AKAP6: variants seen among roughly 807,000 people sequenced by gnomAD.
AKAP6 encodes A-kinase anchor protein 6.
A neutral mutation model predicts 188.5 loss-of-function variants in AKAP6; 58 were observed. The ratio of observed to expected loss-of-function variants is 0.31; its 90% CI spans 0.25 to 0.38. The LOEUF is 0.38. Ranked by LOEUF, AKAP6 falls within the 10% of genes least tolerant of loss-of-function variation. AKAP6 has a pLI of 1.00. For missense variants in AKAP6, 2,710 were observed against 2,740.0 expected (o/e 0.99, Z 0.24); for synonymous variants, 989 against 998.6 (o/e 0.99, Z 0.18).
At chr14:32,712,259 T>G (rs2029916530) in intron 9 of AKAP6, among the ~76,000 whole-genome samples, 1 of 151,962 alleles carries the variant, frequency 6.6e-6, no homozygotes, top group Non-Finnish European at 1.5e-5. Context: ...TTAAAAAAAT[T>G]TTATTGCAAA....
At position 32,535,288 on chromosome 14, in the gene AKAP6, C is replaced by T. The variant is rs547299130; in HGVS notation, c.325-266C>T. Among the ~76,000 whole-genome samples, 11 of 152,272 alleles carry T rather than the reference C, an allele frequency of 7.2e-5. No individual in the cohort carries two copies. In the South Asian group the frequency reaches 2.1e-3, roughly 29 times the overall value. ...TGGAGAGATGCACCTCTCACCTTGG[C>T]TGACTTTCAATTTGGGCATCTGATG... On this transcript the variant is annotated intron_variant, in intron 2 of 13. Coordinates refer to ENST00000280979, the MANE Select transcript of AKAP6 (RefSeq NM_004274.5).
At chr14:32,437,267 G>C (rs1566501995) in intron 2 of AKAP6, among the ~76,000 whole-genome samples, 1 of 152,078 alleles carries the variant, frequency 6.6e-6, no homozygotes, top group Non-Finnish European at 1.5e-5. Flanking sequence ...GGTTGGGCAG[G>C]GATTGGCAGT....
At chr14:32,399,106 G>C (rs983724104) in intron 1 of AKAP6, among the ~76,000 whole-genome samples, 1 of 151,836 alleles carries the variant, frequency 6.6e-6, no homozygotes, top group Non-Finnish European at 1.5e-5. Context: ...CACCCGCCTT[G>C]GCCTCCCAAA....
intron 8 of AKAP6, among the ~76,000 whole-genome samples, chr14:32,688,257 C>T (rs773534034): frequency 5.9e-5 from 9 of 151,902 alleles, no homozygotes; most frequent in East Asian, 1.9e-4. Context: ...GTTGCCGACA[C>T]GGACAATGAG....
intron 9 of AKAP6, among the ~76,000 whole-genome samples, chr14:32,706,468 GC>G (rs1890816390): frequency 6.6e-6 from 1 of 152,018 alleles, no homozygotes; most frequent in Non-Finnish European, 1.5e-5. Context: ...TTTGGGAGAT[GC>G]ACTAAAGGCA....
chr14:32,819,634 A>G (rs17099584), intron 12 of AKAP6, among the ~76,000 whole-genome samples: 4,390 of 152,164 alleles, frequency 0.029, 205 homozygotes, highest in African/African-American at 0.1. Flanking sequence ...ACCACACTAG[A>G]GCGATTCTGC....
At position 32,546,650 on chromosome 14, in the gene AKAP6, T is replaced by C. The variant is rs1254554428; in HGVS notation, c.1997T>C (p.Ile666Thr). 2 of 1,614,010 alleles carry C rather than the reference T, an allele frequency of 1.2e-6. No individual in the cohort carries two copies. The highest frequency in any genetic ancestry group is 2.7e-5 in the African/African-American group (2 of 74,900). Residue 666 changes from isoleucine to threonine, a missense_variant, in exon 4 of 14, where the codon ATT becomes ACT. Transcript: ENST00000280979. ...QKPRGETIQN[I>T]DDWELSEMNS... ...CCCAGAGGAGAAACCATCCAGAATATTGATGACTGGGAACTGTCTGAAATG... is the reference window on the plus strand; with the variant it reads ...CCCAGAGGAGAAACCATCCAGAATACTGATGACTGGGAACTGTCTGAAATG...
intron 1 of AKAP6, among the ~76,000 whole-genome samples, chr14:32,367,976 G>A (rs554457050): frequency 5.9e-5 from 9 of 152,278 alleles, no homozygotes; most frequent in African/African-American, 1.7e-4. Context: ...AGTTTTGACT[G>A]CTAAAAAGCC....
At chr14:32,617,582 T>C (rs1886631853) in intron 7 of AKAP6, among the ~76,000 whole-genome samples, 1 of 152,174 alleles carries the variant, frequency 6.6e-6, no homozygotes, top group Non-Finnish European at 1.5e-5. Context: ...TGACAAACAA[T>C]TTATAACACA....
At chr14:32,455,349 T>A (rs1891117222) in intron 2 of AKAP6, among the ~76,000 whole-genome samples, 1 of 152,214 alleles carries the variant, frequency 6.6e-6, no homozygotes, top group Admixed American at 6.5e-5. Context: ...TTTTTAAATT[T>A]CAGATTTCTC....
rs147404980 is a variant in AKAP6 at position 32,724,904 on chromosome 14, G to A, written c.3001-7550G>A. ...CTGTCCTAAACCAATAGATCCGTGG[G>A]GCTTGTTCAGCTAAAAGCCACAACA... On this transcript the variant is annotated intron_variant, in intron 9 of 13. Transcript: ENST00000280979. 5.3e-3 allele frequency among the ~76,000 whole-genome samples: 750 copies of A among 141,664 alleles called. 7 individuals are homozygous for A. Among genetic ancestry groups the A allele is most frequent in the African/African-American group, 0.018 (706 of 38,174 alleles). The allele number at this position is 141,664 out of a possible 152,430, so 92.9% of individuals were successfully genotyped here. A position where few individuals can be genotyped will look rare whatever the true frequency, so the allele number is the denominator to read the frequency against.
chr14:32,702,091 G>A (rs1275777951), intron 9 of AKAP6, among the ~76,000 whole-genome samples: 16 of 152,054 alleles, frequency 1.1e-4, no homozygotes, highest in Admixed American at 1.0e-3. Context: ...AGATATATCA[G>A]GCACAAGAAT....
intron 8 of AKAP6, among the ~76,000 whole-genome samples, chr14:32,687,400 ATCTCTCTCTCTCTCTCTCTCTC>A (rs71115092): frequency 3.1e-5 from 4 of 128,978 alleles, no homozygotes; most frequent in Admixed American, 3.1e-4. Flanking sequence ...CATACTAACT[ATCTCTCTCTCTCTCTCTCTCTC>A]TCTCTCTCTC....
At position 32,801,001 on chromosome 14, in the gene AKAP6, A is replaced by T. The variant is rs1204556538; in HGVS notation, c.3589-20401A>T. On this transcript the variant is annotated intron_variant, in intron 12 of 13. Transcript: ENST00000280979. ...CACTACGTGCCAGCCTGGGCAACAGAGTGACACTCTGTCTCAAAAATAAAT... is the reference window on the plus strand; with the variant it reads ...CACTACGTGCCAGCCTGGGCAACAGTGTGACACTCTGTCTCAAAAATAAAT... 2.0e-5 allele frequency among the ~76,000 whole-genome samples: 3 copies of T among 152,300 alleles called. No homozygotes were observed. The East Asian group carries it at 5.8e-4, about 29-fold the overall frequency.
chr14:32,501,560 T>C (rs943416943), intron 2 of AKAP6, among the ~76,000 whole-genome samples: 1 of 152,138 alleles, frequency 6.6e-6, no homozygotes, highest in Middle Eastern at 3.2e-3. Context: ...GAAAATGTCA[T>C]TTAGCTGTGT....
chr14:32,437,545 C>T (rs1447234575), intron 2 of AKAP6, among the ~76,000 whole-genome samples: 5 of 152,110 alleles, frequency 3.3e-5, no homozygotes, highest in African/African-American at 1.2e-4. Flanking sequence ...GATCCCTCTT[C>T]TTAAAACCCC....
chr14:32,584,611 G>A (rs1386526046), intron 5 of AKAP6, among the ~76,000 whole-genome samples: 1 of 152,096 alleles, frequency 6.6e-6, no homozygotes, highest in Admixed American at 6.5e-5. Context: ...GGTTCTTCAT[G>A]ACACGTTGTA....
At chr14:32,567,136 G>A (rs528261329) in intron 4 of AKAP6, among the ~76,000 whole-genome samples, 1 of 152,188 alleles carries the variant, frequency 6.6e-6, no homozygotes, top group South Asian at 2.1e-4. Context: ...GCCCAGGCTG[G>A]TCTCAAACTC....
At chr14:32,787,985 G>A (rs111628302) in intron 12 of AKAP6, among the ~76,000 whole-genome samples, 2 of 134,560 alleles carry the variant, frequency 1.5e-5, no homozygotes, top group South Asian at 2.4e-4. Flanking sequence ...AGGATGCAAT[G>A]AGCCGTAATT....
Sources: gnomAD v4.1 joint callset for allele counts (sites outside exome capture counted in the v4.1 genomes callset) on GRCh38, gnomAD v4.1.1 for gene constraint, MANE v1.5 for transcripts, NCBI Gene and HGNC (gene_info 2026-07-23, HGNC 2026-07-21) for gene names.